The following CCSER1 variants were observed in gnomAD, a reference collection of about 807,000 sequenced individuals.
The protein encoded by CCSER1 is serine-rich coiled-coil domain-containing protein 1.
A neutral mutation model predicts 82.0 loss-of-function variants in CCSER1; 41 were observed. That is an observed-to-expected ratio of 0.50 (90% CI 0.39 to 0.65). The LOEUF is 0.65. Among genes scored for constraint, CCSER1 ranks in the 30% least tolerant of loss-of-function variants. The pLI is 0.00. For synonymous variants in CCSER1, 414 were observed against 383.9 expected (o/e 1.08, Z -0.92); for missense variants, 1,119 against 1,064.2 (o/e 1.05, Z -0.72).
intron 3 of CCSER1, among the ~76,000 whole-genome samples, chr4:90,365,670 A>G (rs557874350): frequency 2.6e-5 from 4 of 152,014 alleles, no homozygotes; most frequent in Admixed American, 2.6e-4. Context: ...GAAATACTTG[A>G]AGAATCAGAA....
intron 10 of CCSER1, among the ~76,000 whole-genome samples, chr4:91,402,587 G>T (rs1752413377): frequency 6.6e-6 from 1 of 152,110 alleles, no homozygotes; most frequent in African/African-American, 2.4e-5. Flanking sequence ...TGTAAGGAAG[G>T]GATCCAGTTT....
chr4:91,442,732 G>C (rs1205229576), intron 10 of CCSER1, among the ~76,000 whole-genome samples: 8 of 140,920 alleles, frequency 5.7e-5, no homozygotes, highest in African/African-American at 2.1e-4. Flanking sequence ...ATCTGACAAA[G>C]GGCTAATATC....
intron 1 of CCSER1, among the ~76,000 whole-genome samples, chr4:90,143,807 C>T (rs1369083802): frequency 6.6e-6 from 1 of 151,860 alleles, no homozygotes; most frequent in Non-Finnish European, 1.5e-5. Context: ...ACCTCAGCCT[C>T]CCAAGTAGCT....
chr4:91,263,231 A>G (rs1741327703), intron 10 of CCSER1, among the ~76,000 whole-genome samples: 1 of 152,044 alleles, frequency 6.6e-6, no homozygotes, highest in South Asian at 2.1e-4. Context: ...ACCATCTAGC[A>G]GTGACTATTT....
At chr4:91,094,021 G>A (rs1349220468) in intron 10 of CCSER1, among the ~76,000 whole-genome samples, 1 of 152,176 alleles carries the variant, frequency 6.6e-6, no homozygotes, top group African/African-American at 2.4e-5. Flanking sequence ...TGAATCCCAG[G>A]TAGCGTACCT....
intron 10 of CCSER1, among the ~76,000 whole-genome samples, chr4:91,493,315 C>CAAG (rs980179344): frequency 3.8e-4 from 57 of 151,532 alleles, no homozygotes; most frequent in African/African-American, 1.4e-3. Flanking sequence ...ATAAAGAATA[C>CAAG]AAGGGTAGAT....
At chr4:91,549,710 C>T (rs972732054) in intron 10 of CCSER1, among the ~76,000 whole-genome samples, 1 of 152,096 alleles carries the variant, frequency 6.6e-6, no homozygotes, top group African/African-American at 2.4e-5. Context: ...GCTGGTGCGC[C>T]TGTAATCCCA....
chr4:90,439,652 G>A (rs1359420693), intron 4 of CCSER1, among the ~76,000 whole-genome samples: 1 of 152,078 alleles, frequency 6.6e-6, no homozygotes, highest in Non-Finnish European at 1.5e-5. Flanking sequence ...AGGACAAACT[G>A]GAGTAACTTC....
chr4:91,522,078 C>T (rs952459233), intron 10 of CCSER1, among the ~76,000 whole-genome samples: 1 of 152,152 alleles, frequency 6.6e-6, no homozygotes, highest in African/African-American at 2.4e-5. Flanking sequence ...GGAAGGGATC[C>T]AGTTTCAGCT....
At chr4:91,167,428 C>T (rs1322990759) in intron 10 of CCSER1, among the ~76,000 whole-genome samples, 1 of 152,068 alleles carries the variant, frequency 6.6e-6, no homozygotes, top group African/African-American at 2.4e-5. Context: ...TAGTGATCCA[C>T]CCGTCTCAGC....
chr4:90,686,177 G>A (rs1164103464), intron 6 of CCSER1, among the ~76,000 whole-genome samples: 1 of 152,062 alleles, frequency 6.6e-6, no homozygotes, highest in Non-Finnish European at 1.5e-5. Flanking sequence ...ATTTATTCTG[G>A]GAAGTCTAGT....
At chr4:90,557,998 A>C (rs1429506483) in intron 5 of CCSER1, among the ~76,000 whole-genome samples, 1 of 152,162 alleles carries the variant, frequency 6.6e-6, no homozygotes, top group African/African-American at 2.4e-5. Flanking sequence ...TACAATGGTA[A>C]TATAGGGTTT....
Position 90,318,504 on chromosome 4 carries a change from C to T in CCSER1, c.1509+5457C>T, listed in dbSNP as rs1736558823. ...GCTTTTATGTGGAAACTGTGAATGACACAGTAAAAACATAACTGTAGGACT... is the reference window on the plus strand; with the variant it reads ...GCTTTTATGTGGAAACTGTGAATGATACAGTAAAAACATAACTGTAGGACT... On this transcript the variant is annotated intron_variant, in intron 3 of 10. Transcript: ENST00000509176. Among the ~76,000 whole-genome samples the T allele has an allele frequency of 1.3e-5, 2 of 152,124 alleles. 1 individual carries two copies. Among genetic ancestry groups the T allele is most frequent in the South Asian group, 4.1e-4 (2 of 4,826 alleles).
At chr4:90,736,451 A>G (rs771219907) in intron 7 of CCSER1, among the ~76,000 whole-genome samples, 16 of 152,126 alleles carry the variant, frequency 1.1e-4, no homozygotes, top group Non-Finnish European at 2.2e-4. Flanking sequence ...CTTTATCATT[A>G]TATAATGACC....
chr4:90,401,922 AC>A (rs1360466175), intron 4 of CCSER1, among the ~76,000 whole-genome samples: 2 of 152,220 alleles, frequency 1.3e-5, no homozygotes, highest in Non-Finnish European at 2.9e-5. Flanking sequence ...CAATTCTCTA[AC>A]ATCACAAAAA....
At chr4:90,937,076 G>A (rs1475390918) in intron 9 of CCSER1, among the ~76,000 whole-genome samples, 1 of 152,076 alleles carries the variant, frequency 6.6e-6, no homozygotes, top group Admixed American at 6.6e-5. Flanking sequence ...ATGAAGACAG[G>A]CAGTAAACTA....
intron 10 of CCSER1, among the ~76,000 whole-genome samples, chr4:91,269,310 A>G (rs997273530): frequency 1.3e-5 from 2 of 152,244 alleles, no homozygotes; most frequent in Non-Finnish European, 1.5e-5. Context: ...CATTTCTTGT[A>G]TAAGTACCTA....
intron 10 of CCSER1, among the ~76,000 whole-genome samples, chr4:91,555,216 T>C (rs1159270039): frequency 6.6e-6 from 1 of 151,106 alleles, no homozygotes; most frequent in Admixed American, 6.6e-5. Flanking sequence ...ATTTTTCTCT[T>C]TGTAAATTGG....
chr4:91,254,965 T>G (rs548217999), intron 10 of CCSER1, among the ~76,000 whole-genome samples: 2 of 152,264 alleles, frequency 1.3e-5, no homozygotes, highest in South Asian at 4.1e-4. Flanking sequence ...TCTCTATGAT[T>G]TTTACTACTG....
Sources: gnomAD v4.1 joint callset for allele counts (sites outside exome capture counted in the v4.1 genomes callset) on GRCh38, gnomAD v4.1.1 for gene constraint, MANE v1.5 for transcripts, NCBI Gene and HGNC (gene_info 2026-07-23, HGNC 2026-07-21) for gene names.